Variants in TRIO observed in about 807,000 individuals in gnomAD.
TRIO encodes triple functional domain protein.
Under a neutral mutation model 351.9 loss-of-function variants are expected in TRIO, and 58 were observed. That is an observed-to-expected ratio of 0.16 (90% CI 0.13 to 0.21). The LOEUF (loss-of-function observed/expected upper bound fraction) is 0.21. Among genes scored for constraint, TRIO ranks in the 10% least tolerant of loss-of-function variants. The pLI is 1.00. For missense variants in TRIO, 3,201 were observed against 4,027.8 expected (o/e 0.79, Z 5.56); for synonymous variants, 1,758 against 1,595.7 (o/e 1.10, Z -2.42).
chr5:14,276,479 A>G (rs1197285909), intron 2 of TRIO, among the ~76,000 whole-genome samples: 1 of 152,226 alleles, frequency 6.6e-6, no homozygotes, highest in African/African-American at 2.4e-5. Context: ...CTTTTAACAG[A>G]GTTGTATTAT....
chr5:14,145,742 A>C lies in TRIO; in HGVS notation c.157+1860A>C, dbSNP rs1301455307. On this transcript the variant is annotated intron_variant, in intron 1 of 56. Coordinates refer to ENST00000344204, the MANE Select transcript of TRIO (RefSeq NM_007118.4). Reference sequence around the variant, plus strand: ...AGGCTTTTTTACATCTCTATTATGCATAGTACAAAAATCACTTCTGCTGCT... The same window carrying C: ...AGGCTTTTTTACATCTCTATTATGCCTAGTACAAAAATCACTTCTGCTGCT... Among the ~76,000 whole-genome samples, 16 of 152,274 alleles carry C rather than the reference A, an allele frequency of 1.1e-4. No homozygotes were observed. The East Asian group carries it at 3.1e-3, about 29-fold the overall frequency.
chr5:14,245,485 T>C (rs896435004), intron 1 of TRIO, among the ~76,000 whole-genome samples: 1 of 152,210 alleles, frequency 6.6e-6, no homozygotes, highest in African/African-American at 2.4e-5. Flanking sequence ...ATATTATTTT[T>C]GAGGCAGCTG....
At chr5:14,152,546 A>G (rs1787901582) in intron 1 of TRIO, among the ~76,000 whole-genome samples, 1 of 151,896 alleles carries the variant, frequency 6.6e-6, no homozygotes. Flanking sequence ...ATTTTTTTGT[A>G]TTTCTAGTAG....
intron 28 of TRIO, among the ~76,000 whole-genome samples, chr5:14,396,279 C>T (rs967679409): frequency 7.3e-5 from 11 of 151,684 alleles, no homozygotes; most frequent in Admixed American, 4.6e-4. Context: ...GTTTCTGCTG[C>T]GTGGATTGGC....
At chr5:14,390,864 A>G (rs779880361) in intron 26 of TRIO, 37 bp from the exon 27 acceptor site, 16 of 1,551,128 alleles carry the variant, frequency 1.0e-5, no homozygotes, top group South Asian at 1.2e-5. Flanking sequence ...TTGACTTGTT[A>G]TGATTTAAAT....
chr5:14,463,568 A>C (rs1379206614), intron 36 of TRIO, among the ~76,000 whole-genome samples: 1 of 152,218 alleles, frequency 6.6e-6, no homozygotes, highest in African/African-American at 2.4e-5. Context: ...GCCCTAAAAA[A>C]TAAAATAGCA....
chr5:14,254,182 CT>C (rs1168543227), intron 1 of TRIO, among the ~76,000 whole-genome samples: 1 of 151,778 alleles, frequency 6.6e-6, no homozygotes, highest in African/African-American at 2.4e-5. Context: ...CTCAATAGTT[CT>C]CCCCCCCTCC....
chr5:14,366,108 C>T (rs1282987081), intron 15 of TRIO, among the ~76,000 whole-genome samples: 2 of 151,966 alleles, frequency 1.3e-5, no homozygotes, highest in Non-Finnish European at 2.9e-5. Flanking sequence ...TTGTTTAAGC[C>T]CTCTCTCAAA....
chr5:14,355,316 C>A (rs1053370944), intron 11 of TRIO, among the ~76,000 whole-genome samples: 3 of 152,252 alleles, frequency 2.0e-5, no homozygotes, highest in African/African-American at 7.2e-5. Flanking sequence ...TTTGTTAGAG[C>A]AAATCTTGCC....
chr5:14,392,768 C>A (rs573310512), intron 27 of TRIO, among the ~76,000 whole-genome samples: 1 of 152,288 alleles, frequency 6.6e-6, no homozygotes, highest in South Asian at 2.1e-4. Context: ...GAGTTTGGGC[C>A]GGGCACAGCG....
chr5:14,157,203 A>G (rs1788151564), intron 1 of TRIO, among the ~76,000 whole-genome samples: 1 of 152,116 alleles, frequency 6.6e-6, no homozygotes, highest in Admixed American at 6.5e-5. Context: ...ACTGCCCTTC[A>G]TTGACTAAAT....
intron 37 of TRIO, 93 bp from the exon 38 acceptor site, chr5:14,471,225 G>A (rs1365023399): frequency 2.2e-6 from 3 of 1,369,994 alleles, no homozygotes; most frequent in Non-Finnish European, 1.9e-6. Flanking sequence ...TACATTTTCT[G>A]TATTTTCTGA....
At position 14,487,898 on chromosome 5, in the gene TRIO, AAC is replaced by A; in HGVS notation, c.7271_7272del (p.Asn2424SerfsTer16). ...VLESPRKGAANASGSSPDAPA... is the reference protein window; with the variant it reads ...VLESPRKGAAXASGSSPDAPA... ...GGAGAGCCCCAGGAAAGGCGCCGCG[AAC>A]GCCTCGGGGTCGAGCCCAGACGCCC... On this transcript the variant is annotated frameshift_variant, in exon 48 of 57. Coordinates refer to ENST00000344204, the MANE Select transcript of TRIO (RefSeq NM_007118.4). LOFTEE classifies it high-confidence loss of function. 1 of 1,539,526 alleles carries A rather than the reference AAC, an allele frequency of 6.5e-7. No homozygotes were observed. The highest frequency in any genetic ancestry group is 8.7e-7 in the Non-Finnish European group (1 of 1,143,254).
intron 33 of TRIO, among the ~76,000 whole-genome samples, chr5:14,419,518 T>C (rs987469975): frequency 3.9e-5 from 6 of 152,204 alleles, no homozygotes; most frequent in Non-Finnish European, 5.9e-5. Context: ...TTTTTTAGTC[T>C]GCTGTAAGTT....
At chr5:14,506,916 G>A (rs1757728482) in intron 55 of TRIO, among the ~76,000 whole-genome samples, 2 of 152,166 alleles carry the variant, frequency 1.3e-5, no homozygotes, top group South Asian at 4.1e-4. Flanking sequence ...TCTTAAGATG[G>A]AGACACCCTG....
chr5:14,506,983 A>G, intron 55 of TRIO, 139 bp from the exon 56 acceptor site: 1 of 1,199,258 alleles, frequency 8.3e-7, no homozygotes. Flanking sequence ...TTGTCTAGTC[A>G]CGCCTTAGAG....
At chr5:14,294,717 T>G (rs1209617873) in intron 6 of TRIO, among the ~76,000 whole-genome samples, 1 of 152,300 alleles carries the variant, frequency 6.6e-6, no homozygotes, top group East Asian at 1.9e-4. Flanking sequence ...CTGTTTAACC[T>G]CTTCGAGCCT....
chr5:14,382,151 AATG>A (rs1746162652), intron 21 of TRIO, among the ~76,000 whole-genome samples: 3 of 152,332 alleles, frequency 2.0e-5, no homozygotes, highest in South Asian at 2.1e-4. Context: ...GTGGGAAATA[AATG>A]ATAAGTGGGA....
chr5:14,504,311 C>T (rs551409841), intron 54 of TRIO, 82 bp from the exon 55 acceptor site: 5 of 1,492,046 alleles, frequency 3.4e-6, no homozygotes, highest in East Asian at 4.5e-5. Flanking sequence ...ACCACACAGC[C>T]AGTCCATTTA....
Sources: gnomAD v4.1 joint callset for allele counts (sites outside exome capture counted in the v4.1 genomes callset) on GRCh38, gnomAD v4.1.1 for gene constraint, MANE v1.5 for transcripts, NCBI Gene and HGNC (gene_info 2026-07-23, HGNC 2026-07-21) for gene names.